GRM8: variants seen among roughly 807,000 people sequenced by gnomAD.
GRM8 encodes the protein metabotropic glutamate receptor 8.
A neutral mutation model predicts 87.2 loss-of-function variants in GRM8; 47 were observed. The ratio of observed to expected loss-of-function variants is 0.54; its 90% CI spans 0.43 to 0.69. The LOEUF (loss-of-function observed/expected upper bound fraction) is 0.69, where lower values mean the gene tolerates loss of function less well. GRM8 is among the 30% of genes least tolerant of loss of function. The pLI is 0.00. For missense variants in GRM8, 1,019 were observed against 1,139.2 expected, an observed-to-expected ratio of 0.89 and a Z score of 1.52; for synonymous variants, 396 against 404.5, an observed-to-expected ratio of 0.98 and a Z score of 0.25.
intron 6 of GRM8, among the ~76,000 whole-genome samples, chr7:126,809,600 G>C (rs1281889148): frequency 3.3e-5 from 5 of 152,128 alleles, no homozygotes; most frequent in African/African-American, 1.2e-4. Context: ...TGAGAATATT[G>C]ATTTGTTCAA....
intron 3 of GRM8, among the ~76,000 whole-genome samples, chr7:126,993,980 A>G (rs1376352886): frequency 6.6e-6 from 1 of 152,202 alleles, no homozygotes; most frequent in Non-Finnish European, 1.5e-5. Flanking sequence ...TTGGGGTGGC[A>G]CATGGCCTAG....
At chr7:126,657,033 T>G (rs1804606338) in intron 7 of GRM8, among the ~76,000 whole-genome samples, 1 of 152,208 alleles carries the variant, frequency 6.6e-6, no homozygotes, top group East Asian at 1.9e-4. Flanking sequence ...TTATATTTAC[T>G]GAGTGCTACA....
chr7:127,041,725 A>G (rs28951081), intron 3 of GRM8, among the ~76,000 whole-genome samples: 1 of 152,322 alleles, frequency 6.6e-6, no homozygotes, highest in East Asian at 1.9e-4. Flanking sequence ...GAGAACAATG[A>G]GAGTGTTCTG....
chr7:126,671,467 T>C (rs995706366), intron 7 of GRM8, among the ~76,000 whole-genome samples: 3 of 152,324 alleles, frequency 2.0e-5, no homozygotes, highest in Non-Finnish European at 2.9e-5. Context: ...TTAACAAAAA[T>C]GAGGACTTGC....
chr7:126,584,926 C>T (rs929821638), intron 8 of GRM8, among the ~76,000 whole-genome samples: 3 of 152,030 alleles, frequency 2.0e-5, no homozygotes, highest in South Asian at 4.1e-4. Context: ...ATTATATGCT[C>T]TCATGTTAGT....
At chr7:126,610,572 C>T (rs535615341) in intron 7 of GRM8, among the ~76,000 whole-genome samples, 4 of 152,114 alleles carry the variant, frequency 2.6e-5, no homozygotes, top group Admixed American at 6.5e-5. Context: ...TAGTTATATA[C>T]GTCAACTGTA....
chr7:126,790,871 A>G (rs1411050126), intron 6 of GRM8, among the ~76,000 whole-genome samples: 2 of 152,136 alleles, frequency 1.3e-5, no homozygotes, highest in African/African-American at 4.8e-5. Flanking sequence ...TCTGGGTAGG[A>G]TGACTTGGCA....
chr7:126,569,623 T>C (rs1000009216), intron 8 of GRM8, among the ~76,000 whole-genome samples: 1 of 152,176 alleles, frequency 6.6e-6, no homozygotes, highest in African/African-American at 2.4e-5. Context: ...CTGTAGGAAC[T>C]GTTCATCAGT....
At chr7:126,672,323 C>T (rs947261657) in intron 7 of GRM8, among the ~76,000 whole-genome samples, 1 of 152,180 alleles carries the variant, frequency 6.6e-6, no homozygotes, top group East Asian at 1.9e-4. Context: ...ATGCTCTTCC[C>T]TCTCTTCCTC....
chr7:127,243,968 G>C (rs956054217), intron 1 of GRM8, among the ~76,000 whole-genome samples: 3 of 148,790 alleles, frequency 2.0e-5, no homozygotes, highest in African/African-American at 7.4e-5. Flanking sequence ...TTTTTTTTTA[G>C]TGCCTCAAAT....
At chr7:126,651,961 G>A (rs562280527) in intron 7 of GRM8, among the ~76,000 whole-genome samples, 22 of 152,308 alleles carry the variant, frequency 1.4e-4, no homozygotes, top group African/African-American at 5.3e-4. Context: ...ATGACCTGCT[G>A]GGGTGCTTGC....
At chr7:127,234,246 A>G (rs977328222) in intron 2 of GRM8, among the ~76,000 whole-genome samples, 3 of 152,220 alleles carry the variant, frequency 2.0e-5, no homozygotes, top group African/African-American at 7.2e-5. Flanking sequence ...ATTAATGTAT[A>G]TCTTACAATC....
intron 2 of GRM8, among the ~76,000 whole-genome samples, chr7:127,141,238 G>A (rs958326571): frequency 2.0e-5 from 3 of 151,546 alleles, no homozygotes; most frequent in African/African-American, 7.3e-5. Context: ...CCCCTCCCTA[G>A]TGCCCATCCC....
At chr7:126,709,307 C>T (rs191769147) in intron 7 of GRM8, among the ~76,000 whole-genome samples, 24 of 152,230 alleles carry the variant, frequency 1.6e-4, no homozygotes, top group African/African-American at 5.3e-4. Flanking sequence ...CCTGTAATCC[C>T]AGCTATGCAG....
At chr7:126,446,443 A>G in intron 9 of GRM8, 71 bp from the exon 10 acceptor site, 1 of 1,017,048 alleles carries the variant, frequency 9.8e-7, no homozygotes. Context: ...ATAACATACT[A>G]TTTTCTAAAA....
intron 9 of GRM8, among the ~76,000 whole-genome samples, chr7:126,475,272 A>C (rs1457485871): frequency 1.3e-5 from 2 of 152,214 alleles, no homozygotes; most frequent in Admixed American, 1.3e-4. Flanking sequence ...AAACAAATTC[A>C]GTATAGTTGT....
At chr7:127,182,632 G>GGT (rs35530710) in intron 2 of GRM8, among the ~76,000 whole-genome samples, 9,132 of 141,476 alleles carry the variant, frequency 0.065, 359 homozygotes, top group East Asian at 0.16. Context: ...AAGAAAGTGT[G>GGT]GTGTGTGTGT....
chr7:127,168,753 C>CAAG (rs140332006), intron 2 of GRM8, among the ~76,000 whole-genome samples: 36,546 of 151,526 alleles, frequency 0.24, 4,531 homozygotes, highest in Middle Eastern at 0.32. Flanking sequence ...CAAACTAACA[C>CAAG]AACAGAAAAC....
At chr7:126,601,201 G>A (rs1797719481) in intron 8 of GRM8, among the ~76,000 whole-genome samples, 2 of 151,486 alleles carry the variant, frequency 1.3e-5, no homozygotes, top group Middle Eastern at 3.4e-3. Context: ...TTGTACTTGC[G>A]ATAGTTTACT....
Sources: allele counts gnomAD v4.1 joint callset (sites outside exome capture counted in the v4.1 genomes callset), GRCh38; gene constraint gnomAD v4.1.1; transcripts MANE v1.5; gene names NCBI Gene and HGNC (gene_info 2026-07-23, HGNC 2026-07-21).